The following MAPK6 variants were observed in gnomAD, a reference collection of about 807,000 sequenced individuals.
MAPK6 encodes mitogen-activated protein kinase 6, also known as ERK-3.
Under a neutral mutation model 59.3 loss-of-function variants are expected in MAPK6, and 19 were observed. That is an observed-to-expected ratio of 0.32 (90% CI 0.22 to 0.47). MAPK6 has a LOEUF of 0.47. MAPK6 is among the 20% of genes least tolerant of loss of function. The probability of loss-of-function intolerance (pLI) is 1.00; values close to 1 mark genes in which losing one functional copy is unlikely to be tolerated. For missense variants in MAPK6, 724 were observed against 847.9 expected (o/e 0.85, Z 1.81); for synonymous variants, 316 against 290.3 (o/e 1.09, Z -0.90).
At chr15:51,999,247 C>T (rs1239543351) in intron 2 of MAPK6, among the ~76,000 whole-genome samples, 1 of 151,818 alleles carries the variant, frequency 6.6e-6, no homozygotes, top group East Asian at 1.9e-4. Flanking sequence ...GTCCACCTGC[C>T]CTCAGCCTCC....
At chr15:51,989,251 T>G (rs980660878) in intron 2 of MAPK6, among the ~76,000 whole-genome samples, 5 of 151,962 alleles carry the variant, frequency 3.3e-5, no homozygotes, top group Non-Finnish European at 7.4e-5. Context: ...TGCTAATTTT[T>G]GTATTTTTGT....
intron 3 of MAPK6, among the ~76,000 whole-genome samples, chr15:52,004,933 G>A (rs1190818126): frequency 6.6e-6 from 1 of 152,168 alleles, no homozygotes; most frequent in Non-Finnish European, 1.5e-5. Flanking sequence ...GCGTGGAAGG[G>A]ACTCCTGCTT....
At position 52,043,742 on chromosome 15, in the gene MAPK6, A is replaced by ATTTTTTTTTTT. The variant is rs71130125; in HGVS notation, c.-631-2064_-631-2054dup. Reference sequence around the variant, plus strand: ...TGATATGTTGGACTTAAGTTGTTTGATTTTTTTTTTTTTTTTTTTTTTTTT... The same window carrying ATTTTTTTTTTT: ...TGATATGTTGGACTTAAGTTGTTTGATTTTTTTTTTTTTTTTTTTTTTTTTTTTTTTTTTTT... On this transcript the variant is annotated intron_variant, in intron 1 of 5. Transcript: ENST00000261845. 1.8e-3 allele frequency among the ~76,000 whole-genome samples: 74 copies of ATTTTTTTTTTT among 40,666 alleles called. 9 individuals are homozygous for ATTTTTTTTTTT. Among genetic ancestry groups the ATTTTTTTTTTT allele is most frequent in the Non-Finnish European group, 2.5e-3 (56 of 22,486 alleles). The allele number at this position is 40,666 out of a possible 152,430, so 26.7% of individuals were successfully genotyped here.
chr15:51,999,405 G>A (rs1566896221), intron 2 of MAPK6, among the ~76,000 whole-genome samples: 1 of 152,084 alleles, frequency 6.6e-6, no homozygotes, highest in Non-Finnish European at 1.5e-5. Context: ...CTTTTCATGT[G>A]CTTATTTTCC....
At position 52,059,741 on chromosome 15, in the gene MAPK6, G is replaced by A. The variant is rs140079027; in HGVS notation, c.865+944G>A. On this transcript the variant is annotated intron_variant, in intron 4 of 5. Coordinates refer to ENST00000261845, the MANE Select transcript of MAPK6 (RefSeq NM_002748.4). ...CTGACTGGGGTTTATTAACCATTGA[G>A]CAAAGATCCTTGGTGGTCACATGTG... Among the ~76,000 whole-genome samples, 364 of 152,320 alleles carry A rather than the reference G, an allele frequency of 2.4e-3. 1 individual carries two copies. Among genetic ancestry groups the A allele is most frequent in the Admixed American group, 3.7e-3 (56 of 15,300 alleles).
chr15:51,981,126 T>A (rs2057171492), intron 1 of MAPK6, among the ~76,000 whole-genome samples: 1 of 151,436 alleles, frequency 6.6e-6, no homozygotes, highest in African/African-American at 2.4e-5. Context: ...CAAATGAGAG[T>A]TTGGACATGC....
intron 4 of MAPK6, among the ~76,000 whole-genome samples, chr15:52,060,392 G>A (rs1288988105): frequency 6.6e-6 from 1 of 152,144 alleles, no homozygotes; most frequent in Admixed American, 6.5e-5. Flanking sequence ...ATGTGAAGTG[G>A]GTTTATCTGT....
At chr15:52,029,783 T>G (rs977562746) in intron 1 of MAPK6, among the ~76,000 whole-genome samples, 5 of 152,224 alleles carry the variant, frequency 3.3e-5, no homozygotes, top group African/African-American at 1.2e-4. Context: ...TTTTACATCT[T>G]TATTTCTGCC....
intron 1 of MAPK6, among the ~76,000 whole-genome samples, chr15:51,981,395 T>G (rs1308151590): frequency 6.7e-6 from 1 of 148,316 alleles, no homozygotes; most frequent in Non-Finnish European, 1.5e-5. Flanking sequence ...ATGGCATGAA[T>G]GGGAGGCCGA....
At chr15:51,992,313 T>A (rs1184429306) in intron 2 of MAPK6, among the ~76,000 whole-genome samples, 2,563 of 137,778 alleles carry the variant, frequency 0.019, 92 homozygotes, top group African/African-American at 0.076. Context: ...ATATTTTTTT[T>A]TTTTTTGAGA....
intron 3 of MAPK6, among the ~76,000 whole-genome samples, chr15:52,007,298 C>G (rs999998908): frequency 1.3e-5 from 2 of 152,020 alleles, no homozygotes; most frequent in African/African-American, 2.4e-5. Flanking sequence ...GGAGTCTGTC[C>G]CTGACCCACC....
intron 3 of MAPK6, among the ~76,000 whole-genome samples, chr15:52,050,913 A>G (rs2031757608): frequency 1.3e-5 from 2 of 152,230 alleles, no homozygotes; most frequent in African/African-American, 2.4e-5. Context: ...TCGGAATACT[A>G]GAAAGTATTT....
chr15:52,020,266 C>A (rs1800677441), intron 1 of MAPK6, among the ~76,000 whole-genome samples: 1 of 152,128 alleles, frequency 6.6e-6, no homozygotes, highest in South Asian at 2.1e-4. Flanking sequence ...GAGTGTAGGA[C>A]CCAACCGGTT....
At chr15:52,040,880 A>G (rs1340077096) in intron 1 of MAPK6, among the ~76,000 whole-genome samples, 1 of 152,238 alleles carries the variant, frequency 6.6e-6, no homozygotes, top group Admixed American at 6.5e-5. Context: ...AAAGCCAAAG[A>G]AAAAGCAAAA....
intron 1 of MAPK6, among the ~76,000 whole-genome samples, chr15:51,981,478 AAAAAAG>A (rs1336456561): frequency 1.1e-3 from 164 of 152,058 alleles, no homozygotes; most frequent in African/African-American, 3.8e-3. Flanking sequence ...TCTCAAAAAA[AAAAAAG>A]AAAAAGAAAA....
intron 1 of MAPK6, among the ~76,000 whole-genome samples, chr15:52,044,048 A>G (rs2031522414): frequency 6.6e-6 from 1 of 152,128 alleles, no homozygotes; most frequent in Admixed American, 6.6e-5. Context: ...TGTTGGGATT[A>G]CAGGCGTGAG....
At chr15:52,023,647 CTG>C (rs1213806221) in intron 1 of MAPK6, among the ~76,000 whole-genome samples, 14 of 152,222 alleles carry the variant, frequency 9.2e-5, no homozygotes, top group African/African-American at 3.4e-4. Flanking sequence ...CTGTCTCCCT[CTG>C]TTGCCAGGCT....
intron 2 of MAPK6, among the ~76,000 whole-genome samples, chr15:52,003,197 A>G (rs4456445): frequency 0.043 from 6,596 of 151,992 alleles, 343 homozygotes; most frequent in African/African-American, 0.11. Flanking sequence ...TAAAAAAAAA[A>G]CCAAAAAACA....
In MAPK6 at chr15:52,046,728, C is replaced by A. The variant is rs2031603609; in HGVS notation, c.268C>A (p.Gln90Lys). ...VFEILGPSGS[Q>K]LTDDVGSLTE... is the part of the protein sequence containing the mutation. Reference sequence around the variant, plus strand: ...TGAGATTCTTGGTCCCAGTGGAAGCCAATTAACAGACGATGTGGGCTCTCT... The same window carrying A: ...TGAGATTCTTGGTCCCAGTGGAAGCAAATTAACAGACGATGTGGGCTCTCT... Residue 90 changes from glutamine to lysine, a missense_variant, in exon 2 of 6, where the codon CAA becomes AAA. Coordinates refer to ENST00000261845, the MANE Select transcript of MAPK6 (RefSeq NM_002748.4). The A allele has an allele frequency of 1.2e-6, 2 of 1,614,148 alleles. No homozygotes were observed. The highest frequency in any genetic ancestry group is 4.5e-5 in the East Asian group (2 of 44,892).
Sources: gnomAD v4.1 joint callset for allele counts (sites outside exome capture counted in the v4.1 genomes callset) on GRCh38, gnomAD v4.1.1 for gene constraint, MANE v1.5 for transcripts, NCBI Gene and HGNC (gene_info 2026-07-23, HGNC 2026-07-21) for gene names.